NRXN3: variants seen among roughly 807,000 people sequenced by gnomAD.
NRXN3 encodes neurexin III.
NRXN3 carries 32 observed loss-of-function variants against 137.6 expected under a neutral mutation model. The ratio of observed to expected loss-of-function variants is 0.23; its 90% CI spans 0.18 to 0.31. The LOEUF is 0.31. NRXN3 is among the 10% of genes least tolerant of loss of function. The pLI is 1.00. For missense variants in NRXN3, 1,574 were observed against 2,062.5 expected (o/e 0.76, Z 4.59); for synonymous variants, 798 against 784.5 (o/e 1.02, Z -0.29).
intron 16 of NRXN3, among the ~76,000 whole-genome samples, chr14:79,528,291 C>A (rs75857800): frequency 1.3e-5 from 2 of 152,044 alleles, no homozygotes; most frequent in East Asian, 3.9e-4. Context: ...ACAGTTGTTA[C>A]TATTATCATG....
chr14:78,180,746 T>G (rs1260895291), intron 1 of NRXN3, among the ~76,000 whole-genome samples: 2 of 152,170 alleles, frequency 1.3e-5, no homozygotes, highest in Non-Finnish European at 2.9e-5. Context: ...GCCCCATAAA[T>G]CCCAGGGTCT....
chr14:79,535,190 G>A (rs2216901), intron 16 of NRXN3, among the ~76,000 whole-genome samples: 40,785 of 152,004 alleles, frequency 0.27, 6,282 homozygotes, highest in African/African-American at 0.42. Flanking sequence ...TAGGCAAGTG[G>A]AAAGAATTAT....
At chr14:78,336,398 A>G (rs895469421) in intron 4 of NRXN3, among the ~76,000 whole-genome samples, 3 of 152,148 alleles carry the variant, frequency 2.0e-5, no homozygotes, top group Non-Finnish European at 4.4e-5. Context: ...GAAGGAAGAA[A>G]GGAGACAAAC....
At chr14:78,754,865 C>T (rs895289071) in intron 8 of NRXN3, among the ~76,000 whole-genome samples, 1 of 151,072 alleles carries the variant, frequency 6.6e-6, no homozygotes, top group Admixed American at 6.6e-5. Context: ...CAGAGTCTCA[C>T]TGTGTTGCCC....
chr14:78,546,820 CAT>C (rs767317136), intron 4 of NRXN3, among the ~76,000 whole-genome samples: 1 of 152,082 alleles, frequency 6.6e-6, no homozygotes, highest in East Asian at 1.9e-4. Flanking sequence ...AACTCTGAGA[CAT>C]AGGTTTTCTT....
At chr14:79,381,694 C>T (rs1430446952) in intron 15 of NRXN3, among the ~76,000 whole-genome samples, 2 of 152,078 alleles carry the variant, frequency 1.3e-5, no homozygotes, top group Non-Finnish European at 2.9e-5. Context: ...AAGGTAATCC[C>T]ACAACATCCA....
At chr14:78,411,702 G>A (rs539055430) in intron 4 of NRXN3, among the ~76,000 whole-genome samples, 3 of 152,272 alleles carry the variant, frequency 2.0e-5, no homozygotes, top group South Asian at 2.1e-4. Context: ...TTGCTCATAC[G>A]TATACATGTA....
chr14:78,754,835 CT>C (rs36056842), intron 8 of NRXN3, among the ~76,000 whole-genome samples: 3,442 of 143,160 alleles, frequency 0.024, 47 homozygotes, highest in Middle Eastern at 0.04. Context: ...TCAGTATACA[CT>C]TTTTTTTTTT....
Position 79,663,774 on chromosome 14 carries a change from A to G in NRXN3, c.3445-4A>G, listed in dbSNP as rs1449748665. 1 of 1,611,636 alleles carries G rather than the reference A, an allele frequency of 6.2e-7. No individual in the cohort carries two copies. Among genetic ancestry groups the G allele is most frequent in the Non-Finnish European group, 8.5e-7 (1 of 1,178,802 alleles). ...ACTATGCCTTTTGTGTTTCTTTATT[A>G]TAGGAACAGGGGAAAATTGGAGTTG... is the stretch of plus-strand genomic sequence containing the variant. On this transcript the variant is annotated splice_polypyrimidine_tract_variant and splice_region_variant and intron_variant, in intron 16 of 20. Coordinates refer to ENST00000335750, the MANE Select transcript of NRXN3 (RefSeq NM_001330195.2).
chr14:78,172,003 C>A (rs2058770069), intron 1 of NRXN3, among the ~76,000 whole-genome samples: 1 of 152,070 alleles, frequency 6.6e-6, no homozygotes, highest in African/African-American at 2.4e-5. Flanking sequence ...CTGTCTTCTC[C>A]CCGCTTCCTT....
intron 16 of NRXN3, among the ~76,000 whole-genome samples, chr14:79,606,257 C>T (rs768553302): frequency 1.6e-4 from 25 of 152,014 alleles, no homozygotes; most frequent in Non-Finnish European, 3.1e-4. Context: ...AATAAATAAA[C>T]AACAAACCAA....
intron 4 of NRXN3, among the ~76,000 whole-genome samples, chr14:78,590,898 AAAACAAAC>A (rs529737555): frequency 6.6e-6 from 1 of 152,268 alleles, no homozygotes; most frequent in East Asian, 1.9e-4. Context: ...ACTCTGTCTC[AAAACAAAC>A]AAACAAACAA....
At chr14:78,348,788 A>T (rs1383252490) in intron 4 of NRXN3, among the ~76,000 whole-genome samples, 2 of 152,162 alleles carry the variant, frequency 1.3e-5, no homozygotes, top group Non-Finnish European at 1.5e-5. Flanking sequence ...GGGTGACTGT[A>T]GCACCACGAC....
At chr14:79,285,225 G>A (rs1390992512) in intron 15 of NRXN3, among the ~76,000 whole-genome samples, 1 of 152,142 alleles carries the variant, frequency 6.6e-6, no homozygotes, top group Non-Finnish European at 1.5e-5. Flanking sequence ...CTGGCTGCGG[G>A]ATGAAATTTT....
At chr14:78,481,824 G>A (rs1006366773) in intron 4 of NRXN3, among the ~76,000 whole-genome samples, 1 of 152,070 alleles carries the variant, frequency 6.6e-6, no homozygotes, top group Non-Finnish European at 1.5e-5. Context: ...CTGGCATTTT[G>A]CTTATCCTGC....
rs562264768 is a variant in NRXN3 at position 79,790,472 on chromosome 14, AT to A, written c.4015-14631del. Among the ~76,000 whole-genome samples, 162 of 150,902 alleles carry A rather than the reference AT, an allele frequency of 1.1e-3. 2 individuals carry two copies. The highest frequency in any genetic ancestry group is 1.7e-3 in the African/African-American group (69 of 41,068). On this transcript the variant is annotated intron_variant, in intron 19 of 20. Coordinates refer to ENST00000335750, the MANE Select transcript of NRXN3 (RefSeq NM_001330195.2). Reference sequence around the variant, plus strand: ...CCTGCACCACCACACCTAATGTTTAATTTTTTTTTAATTTTTTGTTGAGATG... The same window carrying A: ...CCTGCACCACCACACCTAATGTTTAATTTTTTTTAATTTTTTGTTGAGATG...
intron 10 of NRXN3, among the ~76,000 whole-genome samples, chr14:78,879,132 C>T (rs916298465): frequency 1.6e-4 from 25 of 152,160 alleles, no homozygotes; most frequent in Admixed American, 3.9e-4. Context: ...AGGTTGATTC[C>T]GTATGTTTAG....
intron 15 of NRXN3, among the ~76,000 whole-genome samples, chr14:79,139,334 C>T (rs371847823): frequency 6.6e-6 from 1 of 152,132 alleles, no homozygotes; most frequent in African/African-American, 2.4e-5. Context: ...GTTAGCAAGT[C>T]AACAGAGACC....
chr14:78,933,327 A>G (rs530287696), intron 10 of NRXN3, among the ~76,000 whole-genome samples: 1 of 152,228 alleles, frequency 6.6e-6, no homozygotes, highest in African/African-American at 2.4e-5. Flanking sequence ...GTAGATGTAA[A>G]TATAGCCCAA....
Sources: allele counts gnomAD v4.1 joint callset (sites outside exome capture counted in the v4.1 genomes callset), GRCh38; gene constraint gnomAD v4.1.1; transcripts MANE v1.5; gene names NCBI Gene and HGNC (gene_info 2026-07-23, HGNC 2026-07-21).